The following CHD8 variants were observed in gnomAD, a reference collection of about 807,000 sequenced individuals.
The protein encoded by CHD8 is chromodomain helicase DNA binding protein 8.
CHD8 carries 31 observed loss-of-function variants against 279.2 expected under a neutral mutation model. That is an observed-to-expected ratio of 0.11 (90% CI 0.08 to 0.15). CHD8 has a LOEUF of 0.15. Ranked by LOEUF, CHD8 falls within the 10% of genes least tolerant of loss-of-function variation. The pLI is 1.00. For missense variants in CHD8, 2,146 were observed against 3,230.5 expected, an observed-to-expected ratio of 0.66 and a Z score of 8.14; for synonymous variants, 1,081 against 1,139.6, an observed-to-expected ratio of 0.95 and a Z score of 1.04.
rs372825432 is a variant in CHD8 at position 21,386,107 on chromosome 14, G to C, written c.7252C>G (p.Arg2418Gly). ...AGGTCTGGTCGCATCCTACGGGCCC[G>C]CTTCTTGCTGCTCTCTGGTGCAATA... ...GPIAPESSKKRARRMRPDLSK... is the reference protein window; with the variant it reads ...GPIAPESSKKGARRMRPDLSK... Residue 2418 changes from arginine (R) to glycine (G), a missense_variant, in exon 38 of 38, where the codon CGG (arginine) becomes GGG (glycine). Transcript: ENST00000646647. 5 of 1,555,292 alleles carry C rather than the reference G, an allele frequency of 3.2e-6. No homozygotes were observed. The highest frequency in any genetic ancestry group is 2.6e-6 in the Non-Finnish European group (3 of 1,148,962).
At chr14:21,395,643 C>A in intron 28 of CHD8, 174 bp downstream of exon 28, 2 of 606,654 alleles carry the variant, frequency 3.3e-6, no homozygotes, top group Non-Finnish European at 5.8e-6. Flanking sequence ...TCCCTGATCT[C>A]CCCCTACTGG....
chr14:21,442,390 G>C (rs1042172378), intron 1 of CHD8, among the ~76,000 whole-genome samples: 1 of 151,988 alleles, frequency 6.6e-6, no homozygotes, highest in East Asian at 1.9e-4. Context: ...GCCTGAGCCC[G>C]GGAAGTTGAG....
intron 1 of CHD8, among the ~76,000 whole-genome samples, chr14:21,435,639 G>C (rs1439705059): frequency 6.6e-6 from 1 of 152,190 alleles, no homozygotes; most frequent in East Asian, 1.9e-4. Context: ...CCAGGGGATG[G>C]AGACTAAGGC....
chr14:21,437,031 C>A, intron 1 of CHD8: 1 of 929,140 alleles, frequency 1.1e-6, no homozygotes, highest in Non-Finnish European at 1.3e-6. Context: ...GGGTGCCCTC[C>A]AGGGTGGGGA....
chr14:21,412,767 TCTTTCAAAGGATTC>T (rs1445921888), intron 10 of CHD8, 132 bp downstream of exon 10: 18 of 642,956 alleles, frequency 2.8e-5, no homozygotes, highest in Non-Finnish European at 4.8e-5. Context: ...CCTCCCATTA[TCTTTCAAAGGATTC>T]CACAGAAAAA....
chr14:21,415,315 T>A, intron 7 of CHD8: 1 of 362,230 alleles, frequency 2.8e-6, no homozygotes, highest in South Asian at 5.5e-5. Flanking sequence ...ATAAAGCCTG[T>A]GAACATAGCA....
At position 21,415,717 on chromosome 14, in the gene CHD8, C is replaced by T. The variant is rs749068192; in HGVS notation, c.1899+8G>A. On this transcript the variant is annotated splice_region_variant and intron_variant, in intron 6 of 37. Transcript: ENST00000646647. ...AATCCTCTGAAATCATTTGAGTTTA[C>T]AGCTTACCACAAAGAACTGCATGGA... 7 of 1,613,424 alleles carry T rather than the reference C, an allele frequency of 4.3e-6. No homozygotes were observed. In the Admixed American group the frequency reaches 6.7e-5, roughly 15 times the overall value.
intron 1 of CHD8, among the ~76,000 whole-genome samples, chr14:21,438,357 A>G (rs748849111): frequency 2.0e-5 from 3 of 150,638 alleles, no homozygotes. Flanking sequence ...CATCACGCCC[A>G]GCCAGGACAC....
chr14:21,391,096 A>C (rs1167499034), intron 36 of CHD8, 33 bp from the exon 37 acceptor site: 16 of 1,291,112 alleles, frequency 1.2e-5, no homozygotes, highest in Non-Finnish European at 3.3e-6. Flanking sequence ...TCCTAGAGGA[A>C]TAGAAATCTT....
intron 1 of CHD8, chr14:21,436,771 A>T: frequency 2.7e-6 from 1 of 371,682 alleles, no homozygotes; most frequent in Non-Finnish European, 5.3e-6. Context: ...ATGTATTTTC[A>T]GGGGGTAAAG....
chr14:21,393,674 A>T lies in CHD8; in HGVS notation c.6121T>A (p.Tyr2041Asn). Residue 2041 changes from tyrosine to asparagine, a missense_variant, in exon 32 of 38, where the codon TAT (tyrosine) becomes AAT (asparagine). By Grantham distance (143) the Tyr-to-Asn change is moderately radical. Coordinates refer to ENST00000646647, the MANE Select transcript of CHD8 (RefSeq NM_001170629.2). ...TCAGAGGGGGATACTCGCATCTCAT[A>T]GTCTTGTGGGGTTGGTCGGCTCCTG... ...VARSRPTPQD[Y>N]EMRVSPSDTT... 1 of 1,613,920 alleles carries T rather than the reference A, an allele frequency of 6.2e-7. No individual in the cohort carries two copies. Among genetic ancestry groups the T allele is most frequent in the East Asian group, 2.2e-5 (1 of 44,860 alleles).
chr14:21,412,397 G>A (rs1316634243), intron 10 of CHD8, among the ~76,000 whole-genome samples: 2 of 152,126 alleles, frequency 1.3e-5, no homozygotes, highest in African/African-American at 2.4e-5. Context: ...GCCCACCTCA[G>A]CCTCCCAAAG....
intron 1 of CHD8, among the ~76,000 whole-genome samples, chr14:21,433,274 G>A (rs1235955787): frequency 6.6e-6 from 1 of 152,154 alleles, no homozygotes; most frequent in Non-Finnish European, 1.5e-5. Context: ...TCTTATGAAT[G>A]GCTGAAAGTA....
chr14:21,450,536 C>T (rs1223220596), intron 1 of CHD8, among the ~76,000 whole-genome samples: 2 of 151,938 alleles, frequency 1.3e-5, no homozygotes, highest in Non-Finnish European at 2.9e-5. Flanking sequence ...GGCCTGTAAC[C>T]CCAGCTACTT....
chr14:21,446,179 G>A (rs905224541), intron 1 of CHD8, among the ~76,000 whole-genome samples: 16 of 152,290 alleles, frequency 1.1e-4, no homozygotes, highest in Non-Finnish European at 4.4e-5. Context: ...GTAACACAGC[G>A]AGATTCCGTC....
Position 21,391,875 on chromosome 14 carries a change from T to A in CHD8, c.6843A>T (p.Pro2281=). 6 of 1,613,846 alleles carry A rather than the reference T, an allele frequency of 3.7e-6. No individual in the cohort carries two copies. In the South Asian group the frequency reaches 6.6e-5, roughly 18 times the overall value. The part of the protein sequence containing the change: ...MANGVMGDGH[P]LFHKKKGNRK... ...TGTTCCCCTTCTTCTTATGAAACAGTGGATGTCCATCTCCCATTACTCCAT... is the reference window on the plus strand; with the variant it reads ...TGTTCCCCTTCTTCTTATGAAACAGAGGATGTCCATCTCCCATTACTCCAT... Residue 2281 remains proline (P), a synonymous_variant, in exon 35 of 38, where the codon CCA becomes CCT. Coordinates refer to ENST00000646647, the MANE Select transcript of CHD8 (RefSeq NM_001170629.2).
rs988979081 is a variant in CHD8, at chr14:21,417,871, T to C, written c.1717-1964A>G. 9.2e-5 allele frequency among the ~76,000 whole-genome samples: 13 copies of C among 141,256 alleles called. No homozygotes were observed. In the East Asian group the frequency reaches 2.2e-3, roughly 24 times the overall value. 92.7% of individuals were successfully genotyped at this position (141,256 alleles called of 152,430 possible). On this transcript the variant is annotated intron_variant, in intron 5 of 37. Coordinates refer to ENST00000646647, the MANE Select transcript of CHD8 (RefSeq NM_001170629.2). ...TCTCTCAAAAAAAAAAAAAAATATA[T>C]ATATATATATAATATATATATATAT...
chr14:21,429,488 T>A, intron 2 of CHD8, 153 bp from the exon 3 acceptor site: 1 of 858,836 alleles, frequency 1.2e-6, no homozygotes, highest in Non-Finnish European at 2.0e-6. Flanking sequence ...TCTGTCTTGA[T>A]GCAATCTTTT....
chr14:21,443,787 C>T (rs1305854928), intron 1 of CHD8, among the ~76,000 whole-genome samples: 14 of 144,158 alleles, frequency 9.7e-5, no homozygotes, highest in African/African-American at 3.6e-4. Context: ...ACCCGGGAGG[C>T]GCAGCTTGCA....
Sources: allele counts gnomAD v4.1 joint callset (sites outside exome capture counted in the v4.1 genomes callset), GRCh38; gene constraint gnomAD v4.1.1; transcripts MANE v1.5; gene names NCBI Gene and HGNC (gene_info 2026-07-23, HGNC 2026-07-21).